MALRD1: variants seen among roughly 807,000 people sequenced by gnomAD.
The protein encoded by MALRD1 is MAM and LDL-receptor class A domain-containing protein 1.
In MALRD1, 247 loss-of-function variants were observed where a neutral mutation model predicts 242.1. The ratio of observed to expected loss-of-function variants is 1.02; its 90% CI spans 0.92 to 1.13. The LOEUF is 1.13. Ranked by LOEUF, MALRD1 falls within the 50% of genes most tolerant of loss-of-function variation. MALRD1 has a pLI of 0.00. For missense variants in MALRD1, 2,989 were observed against 2,533.1 expected (o/e 1.18, Z -3.86); for synonymous variants, 995 against 866.6 (o/e 1.15, Z -2.60).
At chr10:19,107,770 C>G (rs1054733950) in intron 5 of MALRD1, among the ~76,000 whole-genome samples, 2 of 145,794 alleles carry the variant, frequency 1.4e-5, no homozygotes, top group Admixed American at 1.4e-4. Flanking sequence ...AGCTTTGATT[C>G]TTTTCTATTT....
chr10:19,242,827 G>A (rs191147131), intron 18 of MALRD1, among the ~76,000 whole-genome samples: 4 of 152,018 alleles, frequency 2.6e-5, no homozygotes, highest in Admixed American at 2.0e-4. Context: ...TAATAGTGAG[G>A]TAAGTATCAT....
intron 36 of MALRD1, among the ~76,000 whole-genome samples, chr10:19,663,957 T>C (rs1426922274): frequency 6.6e-6 from 1 of 152,068 alleles, no homozygotes; most frequent in Non-Finnish European, 1.5e-5. Context: ...GTTGTGGCCT[T>C]TTCTACTTGC....
At chr10:19,291,818 C>T (rs1029252235) in intron 21 of MALRD1, among the ~76,000 whole-genome samples, 1 of 151,990 alleles carries the variant, frequency 6.6e-6, no homozygotes, top group African/African-American at 2.4e-5. Flanking sequence ...AGGTGCAGTG[C>T]TTCAACCTGT....
chr10:19,477,012 G>A (rs932374225), intron 29 of MALRD1, among the ~76,000 whole-genome samples: 3 of 152,000 alleles, frequency 2.0e-5, no homozygotes, highest in Non-Finnish European at 4.4e-5. Flanking sequence ...AGGATCAATG[G>A]TAGTAAACTC....
chr10:19,630,311 A>G (rs560470166), intron 36 of MALRD1, among the ~76,000 whole-genome samples: 1 of 152,244 alleles, frequency 6.6e-6, no homozygotes, highest in South Asian at 2.1e-4. Context: ...ATCTCTTTCA[A>G]ATTTATTGTT....
intron 18 of MALRD1, among the ~76,000 whole-genome samples, chr10:19,237,924 A>ATGAATAATTTTATACAGTTATATATAAT (rs1474016257): frequency 3.5e-4 from 14 of 39,652 alleles, no homozygotes; most frequent in African/African-American, 1.8e-3. Flanking sequence ...ATATATAATT[A>ATGAATAATTTTATACAGTTATATATAAT]TATGTAATTT....
At chr10:19,138,574 C>T (rs1470113158) in intron 10 of MALRD1, among the ~76,000 whole-genome samples, 1 of 151,938 alleles carries the variant, frequency 6.6e-6, no homozygotes, top group Non-Finnish European at 1.5e-5. Flanking sequence ...GCATGTGCCA[C>T]CATACCCAGA....
At chr10:19,432,094 G>A (rs765281454) in intron 28 of MALRD1, among the ~76,000 whole-genome samples, 6 of 152,132 alleles carry the variant, frequency 3.9e-5, no homozygotes, top group South Asian at 2.1e-4. Context: ...ATGGATTGGG[G>A]TTTTAATTAG....
At chr10:19,423,461 C>A (rs1387280471) in intron 28 of MALRD1, among the ~76,000 whole-genome samples, 1 of 151,894 alleles carries the variant, frequency 6.6e-6, no homozygotes, top group Admixed American at 6.6e-5. Flanking sequence ...TCCCACCCCC[C>A]AGAAAAACAT....
At chr10:19,276,273 A>G (rs570603321) in intron 19 of MALRD1, among the ~76,000 whole-genome samples, 20 of 148,492 alleles carry the variant, frequency 1.3e-4, no homozygotes, top group African/African-American at 4.7e-4. Flanking sequence ...AAAAGTTTAC[A>G]TGCATCTTCT....
chr10:19,710,352 T>G (rs1834052356), intron 38 of MALRD1: 1 of 152,206 alleles, frequency 6.6e-6, no homozygotes, highest in African/African-American at 2.4e-5. Context: ...ATAATCATAT[T>G]TATTGATGAA....
chr10:19,374,507 C>T (rs1419994003), intron 26 of MALRD1, among the ~76,000 whole-genome samples: 3 of 152,128 alleles, frequency 2.0e-5, no homozygotes, highest in Non-Finnish European at 2.9e-5. Context: ...ATTTTTGAAA[C>T]AGTTTTGTGA....
chr10:19,709,820 G>T (rs1834025785), intron 38 of MALRD1, among the ~76,000 whole-genome samples: 1 of 152,162 alleles, frequency 6.6e-6, no homozygotes, highest in African/African-American at 2.4e-5. Flanking sequence ...TTATCTGTGT[G>T]CTGGTCTTAA....
At chr10:19,369,448 C>G (rs965269252) in intron 26 of MALRD1, among the ~76,000 whole-genome samples, 1 of 147,336 alleles carries the variant, frequency 6.8e-6, no homozygotes, top group Non-Finnish European at 1.5e-5. Context: ...TATCTATTTG[C>G]TTAACATTGA....
intron 19 of MALRD1, among the ~76,000 whole-genome samples, chr10:19,270,198 C>T (rs1286939384): frequency 6.6e-6 from 1 of 152,126 alleles, no homozygotes; most frequent in Non-Finnish European, 1.5e-5. Context: ...TGCCTGTAAT[C>T]CCAGCTACTC....
chr10:19,597,542 C>G (rs1170356039), intron 34 of MALRD1, among the ~76,000 whole-genome samples: 14 of 152,190 alleles, frequency 9.2e-5, no homozygotes, highest in Admixed American at 9.2e-4. Context: ...GAGGGCTTTC[C>G]TATTGGTTTA....
chr10:19,653,029 C>T (rs1242253276), intron 36 of MALRD1, among the ~76,000 whole-genome samples: 2 of 152,116 alleles, frequency 1.3e-5, no homozygotes, highest in African/African-American at 4.8e-5. Context: ...CTTGCAAAAC[C>T]TTCTAATGTA....
intron 32 of MALRD1, among the ~76,000 whole-genome samples, chr10:19,562,820 A>G (rs1441454712): frequency 1.3e-5 from 2 of 152,118 alleles, no homozygotes; most frequent in Non-Finnish European, 2.9e-5. Context: ...TGACCTGTGC[A>G]TGTGAGGGAC....
intron 10 of MALRD1, among the ~76,000 whole-genome samples, chr10:19,139,239 T>C (rs1190598100): frequency 6.6e-6 from 1 of 152,236 alleles, no homozygotes; most frequent in Non-Finnish European, 1.5e-5. Flanking sequence ...GTATTTAATA[T>C]ATTTGTGCAT....
Sources: allele counts gnomAD v4.1 joint callset (sites outside exome capture counted in the v4.1 genomes callset), GRCh38; gene constraint gnomAD v4.1.1; transcripts MANE v1.5; gene names NCBI Gene and HGNC (gene_info 2026-07-23, HGNC 2026-07-21).